Variants in LARS2 observed in about 807,000 individuals in gnomAD.
LARS2 encodes the protein leucine--tRNA ligase, mitochondrial.
In LARS2, 81 loss-of-function variants were observed where a neutral mutation model predicts 116.6. The ratio of observed to expected loss-of-function variants is 0.69; its 90% CI spans 0.58 to 0.84. The LOEUF (loss-of-function observed/expected upper bound fraction) is 0.84, where lower values mean the gene tolerates loss of function less well. LARS2 is among the 40% of genes least tolerant of loss of function. The pLI is 0.00. For synonymous variants in LARS2, 396 were observed against 407.2 expected (o/e 0.97, Z 0.33); for missense variants, 968 against 1,114.5 (o/e 0.87, Z 1.87).
intron 4 of LARS2, among the ~76,000 whole-genome samples, 193 bp downstream of exon 4, chr3:45,400,566 G>T (rs1698129090): frequency 6.6e-6 from 1 of 152,188 alleles, no homozygotes; most frequent in Non-Finnish European, 1.5e-5. Context: ...AGGTTAATTG[G>T]GGGGCAGCCA....
intron 20 of LARS2, among the ~76,000 whole-genome samples, chr3:45,532,204 T>C (rs1700625927): frequency 6.6e-6 from 1 of 152,196 alleles, no homozygotes; most frequent in Admixed American, 6.5e-5. Flanking sequence ...GCTTCCCTGG[T>C]TAGATGTGAT....
chr3:45,520,134 T>C, intron 18 of LARS2, 85 bp from the exon 19 acceptor site: 2 of 918,400 alleles, frequency 2.2e-6, no homozygotes, highest in East Asian at 4.9e-5. Flanking sequence ...TCATTTTCCT[T>C]TTTTTTTGTT....
intron 8 of LARS2, among the ~76,000 whole-genome samples, chr3:45,463,797 G>A (rs1022339306): frequency 6.6e-6 from 1 of 152,072 alleles, no homozygotes; most frequent in Non-Finnish European, 1.5e-5. Flanking sequence ...ACAGACAGTG[G>A]TAGACATGAG....
chr3:45,473,006 A>G (rs1269990001), intron 8 of LARS2, among the ~76,000 whole-genome samples: 1 of 152,246 alleles, frequency 6.6e-6, no homozygotes, highest in Admixed American at 6.5e-5. Context: ...ACAGGGAATT[A>G]AATGGTAATT....
At chr3:45,443,745 G>A (rs1003366528) in intron 6 of LARS2, among the ~76,000 whole-genome samples, 5 of 152,184 alleles carry the variant, frequency 3.3e-5, no homozygotes, top group African/African-American at 1.2e-4. Flanking sequence ...TCCGGAAGCA[G>A]TGGTTTTCAA....
intron 4 of LARS2, among the ~76,000 whole-genome samples, chr3:45,411,752 A>G (rs1178263372): frequency 3.9e-5 from 6 of 152,204 alleles, no homozygotes; most frequent in African/African-American, 1.4e-4. Context: ...TTATATAGCT[A>G]TACTCCTGCC....
chr3:45,517,886 A>G lies in LARS2; in HGVS notation c.2045-17A>G. 1 of 1,604,224 alleles carries G rather than the reference A, an allele frequency of 6.2e-7. No homozygotes were observed. On this transcript the variant is annotated splice_polypyrimidine_tract_variant and intron_variant, in intron 17 of 21. Coordinates refer to ENST00000645846, the MANE Select transcript of LARS2 (RefSeq NM_015340.4). The stretch of plus-strand genomic sequence containing the variant: ...GTTGCACGCTCTCTCTTTCTCATTT[A>G]CTGATGCTGAATTCAGCTGATGCTC...
chr3:45,497,383 C>T (rs888053548), intron 14 of LARS2, among the ~76,000 whole-genome samples: 9 of 152,064 alleles, frequency 5.9e-5, no homozygotes, highest in Non-Finnish European at 8.8e-5. Context: ...AGAAACTCTT[C>T]CAGAGCCCAG....
At chr3:45,457,293 G>A (rs1699229271) in intron 7 of LARS2, among the ~76,000 whole-genome samples, 1 of 152,228 alleles carries the variant, frequency 6.6e-6, no homozygotes, top group Non-Finnish European at 1.5e-5. Context: ...GGTCGCAGAG[G>A]TCAACTTCTT....
chr3:45,514,453 G>A (rs892390053), intron 16 of LARS2, among the ~76,000 whole-genome samples: 7 of 152,314 alleles, frequency 4.6e-5, no homozygotes, highest in Middle Eastern at 3.4e-3. Flanking sequence ...ATAACGGTCC[G>A]TGGGAGAAAA....
chr3:45,402,627 A>G (rs1698172638), intron 4 of LARS2, among the ~76,000 whole-genome samples: 1 of 152,228 alleles, frequency 6.6e-6, no homozygotes, highest in African/African-American at 2.4e-5. Flanking sequence ...TGCAAGAAGT[A>G]TTCCTAAAAG....
At chr3:45,429,846 C>T (rs1698662681) in intron 6 of LARS2, among the ~76,000 whole-genome samples, 1 of 151,038 alleles carries the variant, frequency 6.6e-6, no homozygotes, top group South Asian at 2.1e-4. Context: ...GGACTACAGG[C>T]ACCTGCCACC....
rs774776736 is a variant in LARS2 at position 45,400,268 on chromosome 3, G to A, written c.258G>A (p.Val86=). ...EADKSKPKFY[V]LSMFPYPSGK... ...AGAAATCGAAGCCAAAATTTTACGT[G>A]CTTTCCATGTTCCCTTATCCTTCTG... Residue 86 remains valine, a synonymous_variant, in exon 4 of 22, where the codon GTG becomes GTA. Transcript: ENST00000645846. The A allele has an allele frequency of 6.2e-7, 1 of 1,612,570 alleles. No homozygotes were observed. The highest frequency in any genetic ancestry group is 2.2e-5 in the East Asian group (1 of 44,868).
chr3:45,402,297 A>ACAC (rs1323339697), intron 4 of LARS2, among the ~76,000 whole-genome samples: 3 of 152,232 alleles, frequency 2.0e-5, no homozygotes, highest in Non-Finnish European at 4.4e-5. Context: ...GAACCTGCAC[A>ACAC]CACCAGCACC....
chr3:45,453,963 C>T (rs1699176343), intron 7 of LARS2, among the ~76,000 whole-genome samples: 1 of 151,764 alleles, frequency 6.6e-6, no homozygotes, highest in Non-Finnish European at 1.5e-5. Flanking sequence ...GGCCAAGAGA[C>T]AAAAGCATGC....
intron 15 of LARS2, among the ~76,000 whole-genome samples, chr3:45,507,624 CA>C (rs1296115863): frequency 1.3e-5 from 2 of 151,988 alleles, no homozygotes; most frequent in Non-Finnish European, 2.9e-5. Context: ...AATTAAATTA[CA>C]AAGAATGTTT....
chr3:45,436,521 G>A (rs764732102), intron 6 of LARS2, among the ~76,000 whole-genome samples: 2 of 152,168 alleles, frequency 1.3e-5, no homozygotes, highest in East Asian at 1.9e-4. Flanking sequence ...GTGGCCGGGC[G>A]CGGTGGCTCA....
intron 10 of LARS2, among the ~76,000 whole-genome samples, chr3:45,484,194 T>G (rs947728272): frequency 2.3e-4 from 35 of 152,072 alleles, no homozygotes; most frequent in African/African-American, 8.2e-4. Context: ...ATTTAATTCT[T>G]AGGCTTATTT....
chr3:45,521,856 C>T (rs888677372), intron 19 of LARS2, among the ~76,000 whole-genome samples: 2 of 151,954 alleles, frequency 1.3e-5, no homozygotes, highest in Non-Finnish European at 2.9e-5. Flanking sequence ...GCCTGTAATT[C>T]CAGCACTTTG....
Sources: gnomAD v4.1 joint callset for allele counts (sites outside exome capture counted in the v4.1 genomes callset) on GRCh38, gnomAD v4.1.1 for gene constraint, MANE v1.5 for transcripts, NCBI Gene and HGNC (gene_info 2026-07-23, HGNC 2026-07-21) for gene names.